BRD9: variants seen among roughly 807,000 people sequenced by gnomAD.
BRD9 encodes bromodomain-containing protein 9.
Under a neutral mutation model 68.7 loss-of-function variants are expected in BRD9, and 47 were observed. The observed-to-expected ratio is 0.68, with a 90% CI of 0.54 to 0.87. BRD9 has a LOEUF of 0.87. Ranked by LOEUF, BRD9 falls within the 40% of genes least tolerant of loss-of-function variation. The pLI, the probability that BRD9 is intolerant of heterozygous loss-of-function variation, is 0.00. For synonymous variants in BRD9, 313 were observed against 293.9 expected, an observed-to-expected ratio of 1.06 and a Z score of -0.67; for missense variants, 670 against 748.4, an observed-to-expected ratio of 0.90 and a Z score of 1.22.
intron 12 of BRD9, among the ~76,000 whole-genome samples, chr5:875,416 C>T (rs897518043): frequency 1.3e-5 from 2 of 151,060 alleles, no homozygotes; most frequent in African/African-American, 2.4e-5. Context: ...GGCATGATCT[C>T]GGCTCACTGC....
chr5:889,772 G>A (rs1350114596), intron 3 of BRD9, 125 bp from the exon 4 acceptor site: 1 of 1,519,396 alleles, frequency 6.6e-7, no homozygotes, highest in Non-Finnish European at 8.9e-7. Flanking sequence ...GAGAACTGGG[G>A]ATATAAAGAT....
At chr5:881,900 G>C in intron 8 of BRD9, 1 of 152,612 alleles carries the variant, frequency 6.6e-6, no homozygotes, top group East Asian at 1.9e-4. Flanking sequence ...TAGGAGACAA[G>C]TCCTCACGGC....
In BRD9 at chr5:891,305, G is replaced by A. The variant is rs1560935013; in HGVS notation, c.268-18C>T. 6 of 1,550,022 alleles carry A rather than the reference G, an allele frequency of 3.9e-6. No homozygotes were observed. Among genetic ancestry groups the A allele is most frequent in the Non-Finnish European group, 4.4e-6 (5 of 1,146,108 alleles). On this transcript the variant is annotated intron_variant, in intron 2 of 15. Coordinates refer to ENST00000467963, the MANE Select transcript of BRD9 (RefSeq NM_023924.5). ...TTCTCTTCCTGGGCGGCAGAGTCAA[G>A]GGAGTGAGAAAGGCAGGAGTAGGCG...
intron 14 of BRD9, 152 bp from the exon 15 acceptor site, chr5:865,733 G>C: frequency 1.2e-6 from 1 of 806,694 alleles, no homozygotes; most frequent in South Asian, 1.8e-5. Context: ...CAGACAGGTG[G>C]ACAGGCCTGG....
At chr5:871,719 C>G (rs905341687) in intron 12 of BRD9, among the ~76,000 whole-genome samples, 155 bp from the exon 13 acceptor site, 1 of 152,222 alleles carries the variant, frequency 6.6e-6, no homozygotes, top group Non-Finnish European at 1.5e-5. Flanking sequence ...GCTGGGGGTC[C>G]TCCAAACCTT....
chr5:878,364 C>T lies in BRD9; in HGVS notation c.1262G>A (p.Cys421Tyr). ...SAYGDETGVQ[C>Y]ALSLQEFVKD... is the part of the protein sequence containing the mutation. The stretch of plus-strand genomic sequence containing the variant: ...CGGGGCCGACACTTGCCTCAGCGCA[C>T]ACTGCACGCCTGTCTCATCTCCGTA... Residue 421 changes from cysteine to tyrosine, a missense_variant, in exon 11 of 16, where the codon TGT (cysteine) becomes TAT (tyrosine). Physicochemically the swap from Cys to Tyr is radical, Grantham distance 194. Around this residue, in one of 5 missense-constraint regions of BRD9, gnomAD observed 280 missense variants for 281.5 expected, o/e 0.99. Coordinates refer to ENST00000467963, the MANE Select transcript of BRD9 (RefSeq NM_023924.5). The T allele has an allele frequency of 2.5e-6, 4 of 1,614,008 alleles. No homozygotes were observed. The highest frequency in any genetic ancestry group is 3.4e-6 in the Non-Finnish European group (4 of 1,180,052).
chr5:891,090 G>GC, intron 3 of BRD9, 65 bp downstream of exon 3: 1 of 1,485,376 alleles, frequency 6.7e-7, no homozygotes, highest in Non-Finnish European at 9.0e-7. Context: ...AGGACACGGT[G>GC]CCGACCCCTC....
Position 864,166 on chromosome 5 carries a change from T to C in BRD9, c.*302A>G, listed in dbSNP as rs1749000684. 1 of 230,450 alleles carries C rather than the reference T, an allele frequency of 4.3e-6. No homozygotes were observed. The highest frequency in any genetic ancestry group is 2.3e-5 in the African/African-American group (1 of 43,790). 14.3% of individuals were successfully genotyped at this position (230,450 alleles called of 1,614,324 possible). A position where few individuals can be genotyped will look rare whatever the true frequency, so the allele number is the denominator to read the frequency against. Reference sequence around the variant, plus strand: ...GGCTGTGTACAGAGACTCTCTCTGCTGACACGATGGCCACACGCCCTTCGT... The same window carrying C: ...GGCTGTGTACAGAGACTCTCTCTGCCGACACGATGGCCACACGCCCTTCGT... On this transcript the variant is annotated 3_prime_UTR_variant, in exon 16 of 16. Coordinates refer to ENST00000467963, the MANE Select transcript of BRD9 (RefSeq NM_023924.5).
chr5:875,123 C>G (rs1328636198), intron 12 of BRD9, among the ~76,000 whole-genome samples: 1 of 152,258 alleles, frequency 6.6e-6, no homozygotes. Context: ...TCCTAGAGCA[C>G]CGGCCAGATC....
At chr5:877,598 G>GC (rs1275403571) in intron 11 of BRD9, among the ~76,000 whole-genome samples, 2 of 152,126 alleles carry the variant, frequency 1.3e-5, no homozygotes, top group Admixed American at 1.3e-4. Flanking sequence ...CTTTTATTTT[G>GC]CCACAGAAAA....
At position 891,303 on chromosome 5, in the gene BRD9, A is replaced by G; in HGVS notation, c.268-16T>C. On this transcript the variant is annotated splice_polypyrimidine_tract_variant and intron_variant, in intron 2 of 15. Coordinates refer to ENST00000467963, the MANE Select transcript of BRD9 (RefSeq NM_023924.5). ...TCTTCTCTTCCTGGGCGGCAGAGTC[A>G]AGGGAGTGAGAAAGGCAGGAGTAGG... 1 of 1,550,064 alleles carries G rather than the reference A, an allele frequency of 6.5e-7. No homozygotes were observed. The highest frequency in any genetic ancestry group is 1.2e-5 in the South Asian group (1 of 83,788).
chr5:881,104 C>G lies in BRD9; in HGVS notation c.1042+3G>C. ...ATAAAGCCAGCCCTGAGCGGGCACC[C>G]ACCATCAGCGTCCGGCTCGGCCGTG... is the stretch of plus-strand genomic sequence containing the variant. On this transcript the variant is annotated splice_donor_region_variant and intron_variant, in intron 9 of 15. Transcript: ENST00000467963. The G allele has an allele frequency of 6.2e-7, 1 of 1,614,022 alleles. No individual in the cohort carries two copies.
intron 8 of BRD9, 175 bp downstream of exon 8, chr5:883,763 C>T: frequency 1.1e-6 from 1 of 899,576 alleles, no homozygotes; most frequent in Non-Finnish European, 1.6e-6. Flanking sequence ...GCACCTGGAC[C>T]CCGACTGAAG....
chr5:864,338 A>G lies in BRD9; in HGVS notation c.*130T>C, dbSNP rs942297772. 1.6e-5 allele frequency: 11 copies of G among 691,308 alleles called. No homozygotes were observed. The African/African-American group carries it at 1.6e-4, about 10-fold the overall frequency. 42.8% of individuals were successfully genotyped at this position (691,308 alleles called of 1,614,324 possible). A position where few individuals can be genotyped will look rare whatever the true frequency, so the allele number is the denominator to read the frequency against. On this transcript the variant is annotated 3_prime_UTR_variant, in exon 16 of 16. Transcript: ENST00000467963. Reference sequence around the variant, plus strand: ...GCTGACATGATACCACAGACAATTCATTACCTCCCCGCGGCTGCTTCCCGC... The same window carrying G: ...GCTGACATGATACCACAGACAATTCGTTACCTCCCCGCGGCTGCTTCCCGC...
chr5:885,784 A>G (rs1752465449), intron 7 of BRD9, among the ~76,000 whole-genome samples: 1 of 152,192 alleles, frequency 6.6e-6, no homozygotes, highest in African/African-American at 2.4e-5. Context: ...TGCCCGCTGC[A>G]GGCTATGTTA....
In BRD9 at chr5:878,445, T is replaced by C. The variant is rs1305866286; in HGVS notation, c.1181A>G (p.Asn394Ser). Residue 394 changes from asparagine (N) to serine (S), a missense_variant, in exon 11 of 16, where the codon AAT becomes AGT. Around this residue, in one of 5 missense-constraint regions of BRD9, gnomAD observed 280 missense variants for 281.5 expected, o/e 0.99. Coordinates refer to ENST00000467963, the MANE Select transcript of BRD9 (RefSeq NM_023924.5). ...SSATTALSMQ[N>S]NSVFGDLKSD... ...CTTCAAGTCGCCAAATACTGAATTA[T>C]TCTGCATCGAAAGCGCAGTAGTGGC... 4.3e-6 allele frequency: 7 copies of C among 1,614,168 alleles called. No homozygotes were observed. The highest frequency in any genetic ancestry group is 5.9e-6 in the Non-Finnish European group (7 of 1,180,062).
intron 6 of BRD9, among the ~76,000 whole-genome samples, chr5:887,149 C>T (rs1053506790): frequency 8.5e-5 from 13 of 152,214 alleles, no homozygotes; most frequent in East Asian, 5.8e-4. Context: ...TCAAGAGATG[C>T]GGAACTTTCC....
chr5:892,771 G>T lies in BRD9; in HGVS notation c.-114C>A. The T allele has an allele frequency of 8.9e-7, 1 of 1,119,730 alleles. No homozygotes were observed. The highest frequency in any genetic ancestry group is 1.1e-6 in the Non-Finnish European group (1 of 888,540). 69.4% of individuals were successfully genotyped at this position (1,119,730 alleles called of 1,614,324 possible). On this transcript the variant is annotated 5_prime_UTR_variant, in exon 1 of 16. Coordinates refer to ENST00000467963, the MANE Select transcript of BRD9 (RefSeq NM_023924.5). ...GGCCGCCCGCGCTCGCTGCGCCGAG[G>T]TTGCCGAGCTCGCTGGGCCGCGCCG...
intron 11 of BRD9, among the ~76,000 whole-genome samples, chr5:876,754 G>A (rs546235303): frequency 6.6e-6 from 1 of 152,208 alleles, no homozygotes; most frequent in Non-Finnish European, 1.5e-5. Context: ...CACCAAGCAA[G>A]CGCCTCAGAA....
Sources: gnomAD v4.1 joint callset for allele counts (sites outside exome capture counted in the v4.1 genomes callset) on GRCh38, gnomAD v4.1.1 for gene constraint, gnomAD v4.1.1 regional missense constraint, MANE v1.5 for transcripts, NCBI Gene and HGNC (gene_info 2026-07-23, HGNC 2026-07-21) for gene names.